Variants in ZMYM4 observed in about 807,000 individuals in gnomAD.
The protein encoded by ZMYM4 is zinc finger MYM-type containing 4.
A neutral mutation model predicts 183.2 loss-of-function variants in ZMYM4; 31 were observed. That is an observed-to-expected ratio of 0.17 (90% CI 0.13 to 0.23). The LOEUF is 0.23. Ranked by LOEUF, ZMYM4 falls within the 10% of genes least tolerant of loss-of-function variation. ZMYM4 has a pLI of 1.00. For synonymous variants in ZMYM4, 592 were observed against 631.2 expected (o/e 0.94, Z 0.93); for missense variants, 1,273 against 1,840.3 (o/e 0.69, Z 5.64).
intron 2 of ZMYM4, among the ~76,000 whole-genome samples, chr1:35,356,116 A>G (rs956674695): frequency 2.0e-5 from 3 of 152,192 alleles, no homozygotes; most frequent in Non-Finnish European, 4.4e-5. Context: ...AGGCTGAGGT[A>G]GGAGGATTGC....
At chr1:35,361,841 A>G in intron 5 of ZMYM4, 52 bp downstream of exon 5, 1 of 1,566,400 alleles carries the variant, frequency 6.4e-7, no homozygotes, top group Non-Finnish European at 8.6e-7. Context: ...ACATTGAATT[A>G]TTCATTTGAG....
Position 35,381,273 on chromosome 1 carries a change from C to T in ZMYM4, c.1196C>T (p.Pro399Leu). The change falls in exon 8 of 30, where the codon CCA (proline) becomes CTA (leucine). Residue 399 changes from proline (P) to leucine (L), a missense_variant. Transcript: ENST00000314607. ...CSSCSKDILN[P>L]KDVISAQFEN... Reference sequence around the variant, plus strand: ...CTTATTTTTAGAGACATTTTAAATCCAAAGGATGTGATCAGTGCCCAGTTT... The same window carrying T: ...CTTATTTTTAGAGACATTTTAAATCTAAAGGATGTGATCAGTGCCCAGTTT... 1.3e-6 allele frequency: 2 copies of T among 1,581,832 alleles called. No homozygotes were observed. Among genetic ancestry groups the T allele is most frequent in the Non-Finnish European group, 1.7e-6 (2 of 1,165,154 alleles).
intron 1 of ZMYM4, among the ~76,000 whole-genome samples, chr1:35,279,409 CATTCCTCGTTT>C (rs1640033053): frequency 1.3e-5 from 2 of 152,194 alleles, no homozygotes; most frequent in East Asian, 3.8e-4. Context: ...ACCCCATCTC[CATTCCTCGTTT>C]CTGTTGAGAT....
At chr1:35,279,615 C>T (rs1339682254) in intron 1 of ZMYM4, among the ~76,000 whole-genome samples, 3 of 152,306 alleles carry the variant, frequency 2.0e-5, no homozygotes, top group East Asian at 1.9e-4. Context: ...GTTCCTTCTT[C>T]AATTTATCTC....
Position 35,326,526 on chromosome 1 carries a change from A to G in ZMYM4, c.85+1121A>G, listed in dbSNP as rs116249548. ...TTATGTACTTTTCTGTGCTGATTAT[A>G]TATTTTATGAATTTTATTACAATAA... is the stretch of plus-strand genomic sequence containing the variant. On this transcript the variant is annotated intron_variant, in intron 2 of 29. Coordinates refer to ENST00000314607, the MANE Select transcript of ZMYM4 (RefSeq NM_005095.3). 2.4e-3 allele frequency among the ~76,000 whole-genome samples: 361 copies of G among 152,284 alleles called. 1 individual carries two copies. Among genetic ancestry groups the G allele is most frequent in the African/African-American group, 8.5e-3 (353 of 41,544 alleles).
intron 19 of ZMYM4, chr1:35,396,939 G>C (rs1417446071): frequency 1.8e-6 from 1 of 564,388 alleles, no homozygotes; most frequent in African/African-American, 2.0e-5. Context: ...CAGAAATGGT[G>C]TATGTTGAAA....
At chr1:35,324,494 A>C (rs1642423159) in intron 1 of ZMYM4, among the ~76,000 whole-genome samples, 1 of 151,890 alleles carries the variant, frequency 6.6e-6, no homozygotes, top group Non-Finnish European at 1.5e-5. Flanking sequence ...TCTTTTGGAA[A>C]CCTGGGATCT....
At chr1:35,379,617 A>G (rs113465649) in intron 7 of ZMYM4, among the ~76,000 whole-genome samples, 1 of 152,180 alleles carries the variant, frequency 6.6e-6, no homozygotes, top group African/African-American at 2.4e-5. Flanking sequence ...TGCATTTACT[A>G]TGTGGTGAAA....
At chr1:35,334,980 C>A (rs1335869163) in intron 2 of ZMYM4, among the ~76,000 whole-genome samples, 2 of 152,070 alleles carry the variant, frequency 1.3e-5, no homozygotes, top group Non-Finnish European at 2.9e-5. Context: ...AATAAACTTA[C>A]AATGTAAGAT....
intron 1 of ZMYM4, among the ~76,000 whole-genome samples, chr1:35,280,463 G>T (rs952065171): frequency 1.3e-5 from 2 of 152,020 alleles, no homozygotes; most frequent in Non-Finnish European, 2.9e-5. Flanking sequence ...AGATATTAAA[G>T]CAGCACTCCA....
rs376077400 is a variant in ZMYM4 at position 35,329,845 on chromosome 1, C to T, written c.85+4440C>T. 3.5e-4 allele frequency among the ~76,000 whole-genome samples: 54 copies of T among 152,180 alleles called. 1 individual carries two copies. The highest frequency in any genetic ancestry group is 1.9e-3 in the East Asian group (10 of 5,180). On this transcript the variant is annotated intron_variant, in intron 2 of 29. Transcript: ENST00000314607. ...CTAGGATTACCAGCATGAGTCACCACGCCCTACCCTTTAAAAATTCTAATA... is the reference window on the plus strand; with the variant it reads ...CTAGGATTACCAGCATGAGTCACCATGCCCTACCCTTTAAAAATTCTAATA...
intron 1 of ZMYM4, among the ~76,000 whole-genome samples, chr1:35,286,549 G>T (rs188322330): frequency 1.3e-5 from 2 of 149,506 alleles, no homozygotes; most frequent in Admixed American, 1.3e-4. Flanking sequence ...GGTGTAAGTT[G>T]CTTATTTCCC....
At chr1:35,370,252 G>A (rs1644175513) in intron 6 of ZMYM4, 120 bp from the exon 7 acceptor site, 1 of 1,443,852 alleles carries the variant, frequency 6.9e-7, no homozygotes, top group Non-Finnish European at 9.2e-7. Context: ...CATAATTACT[G>A]TTGGGTTTCA....
chr1:35,387,658 TTGA>T (rs1310094536), intron 13 of ZMYM4, 54 bp downstream of exon 13: 13 of 1,534,224 alleles, frequency 8.5e-6, no homozygotes, highest in South Asian at 1.3e-5. Flanking sequence ...TTTAAAGCAG[TTGA>T]TGATGATTTA....
At chr1:35,396,854 C>G (rs1644817766) in intron 19 of ZMYM4, among the ~76,000 whole-genome samples, 184 bp downstream of exon 19, 1 of 152,022 alleles carries the variant, frequency 6.6e-6, no homozygotes, top group Admixed American at 6.6e-5. Context: ...TGTACCCTTC[C>G]TTCTCAGAAA....
At chr1:35,375,715 A>C in intron 7 of ZMYM4, among the ~76,000 whole-genome samples, 1 of 152,232 alleles carries the variant, frequency 6.6e-6, no homozygotes, top group Non-Finnish European at 1.5e-5. Context: ...TTAAACTCTG[A>C]AAGAATTTTG....
chr1:35,397,658 G>A (rs1404731836), intron 20 of ZMYM4, 113 bp downstream of exon 20: 2 of 884,482 alleles, frequency 2.3e-6, no homozygotes, highest in African/African-American at 3.4e-5. Context: ...TATTGTCTGT[G>A]AATACCAAGC....
intron 1 of ZMYM4, among the ~76,000 whole-genome samples, chr1:35,291,632 TA>T (rs898758099): frequency 6.0e-5 from 9 of 149,490 alleles, no homozygotes; most frequent in African/African-American, 2.2e-4. Context: ...TAGTGATTGT[TA>T]CTTTTTTTTT....
chr1:35,415,435 T>C (rs747617014), intron 27 of ZMYM4, 31 bp from the exon 28 acceptor site: 1 of 1,613,800 alleles, frequency 6.2e-7, no homozygotes, highest in South Asian at 1.1e-5. Context: ...AGGAGCTCAG[T>C]ACTGTTTCTT....
Sources: gnomAD v4.1 joint callset for allele counts (sites outside exome capture counted in the v4.1 genomes callset) on GRCh38, gnomAD v4.1.1 for gene constraint, MANE v1.5 for transcripts, NCBI Gene and HGNC (gene_info 2026-07-23, HGNC 2026-07-21) for gene names.